ZSCAN25: variants seen among roughly 807,000 people sequenced by gnomAD.
ZSCAN25 encodes zinc finger and SCAN domain-containing protein 25.
ZSCAN25 carries 27 observed loss-of-function variants against 38.7 expected under a neutral mutation model. The observed-to-expected ratio is 0.70, with a 90% confidence interval of 0.51 to 0.96. The LOEUF is 0.96. Ranked by LOEUF, ZSCAN25 falls within the 40% of genes least tolerant of loss-of-function variation. The pLI is 0.00. For synonymous variants in ZSCAN25, 273 were observed against 277.7 expected (o/e 0.98, Z 0.17); for missense variants, 637 against 705.9 (o/e 0.90, Z 1.11).
the ZSCAN25 span, chr7:99,717,278 C>T: frequency 6.2e-7 from 1 of 1,613,880 alleles, no homozygotes; most frequent in Non-Finnish European, 8.5e-7. Context: ...AAGCACAAAA[C>T]ACAACACCAC....
chr7:99,650,910 G>A, the ZSCAN25 span, among the ~76,000 whole-genome samples: 1 of 152,086 alleles, frequency 6.6e-6, no homozygotes, highest in African/African-American at 2.4e-5. Context: ...GTTCCATTAA[G>A]CTATAAATTC....
At chr7:99,618,368 G>C (rs79227395) in intron 1 of ZSCAN25, among the ~76,000 whole-genome samples, 157 bp from the exon 2 acceptor site, 2,605 of 151,090 alleles carry the variant, frequency 0.017, 84 homozygotes, top group African/African-American at 0.059. Context: ...TTTTTCTTCT[G>C]AGAAGTAGGA....
the ZSCAN25 span, among the ~76,000 whole-genome samples, chr7:99,724,685 C>T: frequency 2.0e-5 from 3 of 152,090 alleles, no homozygotes; most frequent in African/African-American, 7.2e-5. Context: ...AGTTTCATTC[C>T]GAGACTAGCC....
intron 4 of ZSCAN25, 149 bp downstream of exon 4, chr7:99,620,142 A>C (rs1806824144): frequency 2.5e-6 from 3 of 1,214,140 alleles, no homozygotes; most frequent in Non-Finnish European, 2.2e-6. Flanking sequence ...TTTGGAGAGC[A>C]GTGGCGTTTT....
chr7:99,618,239 C>G (rs1464076929), intron 1 of ZSCAN25: 1 of 152,232 alleles, frequency 6.6e-6, no homozygotes, highest in Non-Finnish European at 1.5e-5. Context: ...CAGTCTACTT[C>G]AAGCCTCTTC....
chr7:99,632,145 G>C lies in ZSCAN25; in HGVS notation c.*2125G>C, dbSNP rs11734. ...GCTTCAGAAGGAGCTGGGCCTTGCTGACTTTCCTATCTGGCCTCTTCCCTA... is the reference window on the plus strand; with the variant it reads ...GCTTCAGAAGGAGCTGGGCCTTGCTCACTTTCCTATCTGGCCTCTTCCCTA... On this transcript the variant is annotated 3_prime_UTR_variant, in exon 8 of 8. Transcript: ENST00000394152. The C allele has an allele frequency of 0.057, 56,382 of 985,348 alleles. 1,816 individuals are homozygous for C. Among genetic ancestry groups the C allele is most frequent in the African/African-American group, 0.12 (7,054 of 57,310 alleles). The allele number at this position is 985,348 out of a possible 1,614,324, so 61.0% of individuals were successfully genotyped here.
the ZSCAN25 span, among the ~76,000 whole-genome samples, chr7:99,732,772 GTA>G: frequency 1.3e-5 from 2 of 152,190 alleles, no homozygotes; most frequent in Non-Finnish European, 2.9e-5. Flanking sequence ...AGTACGGTGT[GTA>G]TAAATGGATC....
chr7:99,678,503 C>T, the ZSCAN25 span, among the ~76,000 whole-genome samples: 1 of 152,162 alleles, frequency 6.6e-6, no homozygotes, highest in Middle Eastern at 3.2e-3. Context: ...TTTGAAAAGA[C>T]GTGCAGTCTT....
chr7:99,654,115 T>G, the ZSCAN25 span, among the ~76,000 whole-genome samples: 1 of 152,098 alleles, frequency 6.6e-6, no homozygotes, highest in Non-Finnish European at 1.5e-5. Context: ...AGTTTTAGGG[T>G]ACATGTACAC....
chr7:99,622,738 C>T, intron 6 of ZSCAN25, 98 bp downstream of exon 6: 1 of 1,141,656 alleles, frequency 8.8e-7, no homozygotes, highest in East Asian at 2.5e-5. Context: ...CCTTCCCGCC[C>T]CAAGTTGAGT....
chr7:99,663,294 A>G, the ZSCAN25 span: 44 of 994,962 alleles, frequency 4.4e-5, no homozygotes, highest in Non-Finnish European at 5.1e-5. Context: ...TCCAGAACTC[A>G]TCAGCAGCTT....
the ZSCAN25 span, chr7:99,707,891 C>T: frequency 1.2e-6 from 2 of 1,613,986 alleles, no homozygotes; most frequent in Non-Finnish European, 1.7e-6. Flanking sequence ...GAGAGCAAAC[C>T]TCATGCCAAT....
At chr7:99,713,685 G>T in the ZSCAN25 span, 102 of 1,047,714 alleles carry the variant, frequency 9.7e-5, no homozygotes, top group Admixed American at 4.2e-4. Context: ...CAGTGAAAAG[G>T]AATATCCATC....
chr7:99,648,396 G>A, the ZSCAN25 span: 2 of 1,610,166 alleles, frequency 1.2e-6, no homozygotes, highest in Admixed American at 1.7e-5. Context: ...TAATTTCAAG[G>A]GGATCTACAA....
At chr7:99,650,219 T>C in the ZSCAN25 span, 3 of 1,613,648 alleles carry the variant, frequency 1.9e-6, no homozygotes, top group Non-Finnish European at 2.5e-6. Context: ...ATGCTGTCCT[T>C]CTTCTTACTG....
At chr7:99,686,577 G>A in the ZSCAN25 span, among the ~76,000 whole-genome samples, 7 of 152,218 alleles carry the variant, frequency 4.6e-5, no homozygotes, top group Non-Finnish European at 1.0e-4. Context: ...CCACCTCTGG[G>A]GGCAGGGCAC....
chr7:99,733,776 A>G, the ZSCAN25 span, among the ~76,000 whole-genome samples: 2 of 152,190 alleles, frequency 1.3e-5, no homozygotes, highest in Non-Finnish European at 2.9e-5. Flanking sequence ...TCCTACCTGG[A>G]TGCTTTTGCT....
chr7:99,710,111 A>T, the ZSCAN25 span, among the ~76,000 whole-genome samples: 1 of 152,224 alleles, frequency 6.6e-6, no homozygotes, highest in South Asian at 2.1e-4. Flanking sequence ...CCACACAAAG[A>T]CCAGCCCAAA....
chr7:99,707,809 G>T, the ZSCAN25 span: 3 of 1,613,764 alleles, frequency 1.9e-6, no homozygotes. Flanking sequence ...AAAATTGACT[G>T]ACCTGTGTTT....
Sources: allele counts gnomAD v4.1 joint callset (sites outside exome capture counted in the v4.1 genomes callset), GRCh38; gene constraint gnomAD v4.1.1; transcripts MANE v1.5; gene names NCBI Gene and HGNC (gene_info 2026-07-23, HGNC 2026-07-21).